The following UBE2E2 variants were observed in gnomAD, a reference collection of about 807,000 sequenced individuals.
UBE2E2 encodes the protein ubiquitin conjugating enzyme E2 E2, also known as ubiquitin-conjugating enzyme E2 E2.
A neutral mutation model predicts 24.7 loss-of-function variants in UBE2E2; 6 were observed. That is an observed-to-expected ratio of 0.24 (90% CI 0.13 to 0.48). The LOEUF is 0.48. Ranked by LOEUF, UBE2E2 falls within the 20% of genes least tolerant of loss-of-function variation. The pLI is 0.99. For missense variants in UBE2E2, 169 were observed against 245.0 expected (o/e 0.69, Z 2.07); for synonymous variants, 104 against 83.6 (o/e 1.24, Z -1.33).
At chr3:23,470,094 G>A (rs2125433211) in intron 3 of UBE2E2, among the ~76,000 whole-genome samples, 1 of 152,276 alleles carries the variant, frequency 6.6e-6, no homozygotes, top group East Asian at 1.9e-4. Flanking sequence ...TCCTTAGAAT[G>A]CCAGGTTTAC....
intron 3 of UBE2E2, among the ~76,000 whole-genome samples, chr3:23,379,192 A>G (rs1696598767): frequency 6.6e-6 from 1 of 152,196 alleles, no homozygotes; most frequent in South Asian, 2.1e-4. Flanking sequence ...GAAATGTTCC[A>G]CAGAGATTCC....
chr3:23,379,007 C>G (rs1474829572), intron 3 of UBE2E2, among the ~76,000 whole-genome samples: 2 of 152,130 alleles, frequency 1.3e-5, no homozygotes, highest in Non-Finnish European at 2.9e-5. Flanking sequence ...CCATATACTT[C>G]TCAGTGACTG....
intron 5 of UBE2E2, among the ~76,000 whole-genome samples, chr3:23,540,271 G>T (rs1367326399): frequency 6.6e-6 from 1 of 152,154 alleles, no homozygotes; most frequent in Admixed American, 6.5e-5. Flanking sequence ...CCTAGTAAAT[G>T]TCAGAACAGG....
intron 3 of UBE2E2, among the ~76,000 whole-genome samples, chr3:23,306,747 G>T (rs1699246783): frequency 6.6e-6 from 1 of 152,170 alleles, no homozygotes; most frequent in Admixed American, 6.6e-5. Context: ...TACCTACGGA[G>T]CAAGAACCAC....
intron 3 of UBE2E2, among the ~76,000 whole-genome samples, chr3:23,270,450 A>T (rs1319780871): frequency 6.6e-6 from 1 of 152,092 alleles, no homozygotes; most frequent in Non-Finnish European, 1.5e-5. Flanking sequence ...AGGAACCTGG[A>T]ACCAAGGCTT....
chr3:23,459,915 A>C (rs1167198495), intron 3 of UBE2E2, among the ~76,000 whole-genome samples: 1 of 152,212 alleles, frequency 6.6e-6, no homozygotes, highest in Non-Finnish European at 1.5e-5. Flanking sequence ...TACAAAATGT[A>C]CTTATGCCAA....
chr3:23,504,834 T>C (rs371423222), intron 4 of UBE2E2, among the ~76,000 whole-genome samples: 9 of 151,556 alleles, frequency 5.9e-5, no homozygotes, highest in East Asian at 5.8e-4. Context: ...TATATTATGT[T>C]GGGGTTTTTT....
chr3:23,240,485 TAATA>T (rs1262079994), intron 3 of UBE2E2, among the ~76,000 whole-genome samples: 2 of 152,224 alleles, frequency 1.3e-5, no homozygotes, highest in Non-Finnish European at 2.9e-5. Flanking sequence ...ATATTATTCT[TAATA>T]AATAGTAACA....
At chr3:23,473,566 T>C (rs1699069523) in intron 3 of UBE2E2, among the ~76,000 whole-genome samples, 1 of 152,040 alleles carries the variant, frequency 6.6e-6, no homozygotes, top group South Asian at 2.1e-4. Context: ...ATTTGTAGTC[T>C]CTTATCTCTC....
At chr3:23,428,388 C>T (rs1439692114) in intron 3 of UBE2E2, among the ~76,000 whole-genome samples, 2 of 151,904 alleles carry the variant, frequency 1.3e-5, no homozygotes, top group South Asian at 2.1e-4. Context: ...TGGGATGCAA[C>T]GAAAACAGTG....
chr3:23,550,152 G>T (rs1441897784), intron 5 of UBE2E2, among the ~76,000 whole-genome samples: 1 of 152,050 alleles, frequency 6.6e-6, no homozygotes, highest in Non-Finnish European at 1.5e-5. Context: ...AAACTAGTAG[G>T]AAGAATGAAT....
chr3:23,558,602 C>G (rs1341635311), intron 5 of UBE2E2, among the ~76,000 whole-genome samples: 1 of 152,082 alleles, frequency 6.6e-6, no homozygotes, highest in Non-Finnish European at 1.5e-5. Flanking sequence ...GAATCTTATT[C>G]TTACTGTAAC....
At chr3:23,354,993 C>T (rs372108942) in intron 3 of UBE2E2, among the ~76,000 whole-genome samples, 17 of 150,720 alleles carry the variant, frequency 1.1e-4, no homozygotes, top group Non-Finnish European at 1.8e-4. Context: ...TGTCCAACAA[C>T]GATAGACTGG....
chr3:23,390,090 C>A (rs1276531772), intron 3 of UBE2E2, among the ~76,000 whole-genome samples: 1 of 152,054 alleles, frequency 6.6e-6, no homozygotes, highest in African/African-American at 2.4e-5. Context: ...GCTGGTTGAT[C>A]TTTCTTCCAG....
chr3:23,476,949 C>G (rs1683642108), intron 3 of UBE2E2, among the ~76,000 whole-genome samples: 1 of 152,002 alleles, frequency 6.6e-6, no homozygotes, highest in African/African-American at 2.4e-5. Context: ...TGTTAAGTTC[C>G]TTATTGTTTC....
chr3:23,273,310 T>C (rs1050088662), intron 3 of UBE2E2, among the ~76,000 whole-genome samples: 11 of 151,880 alleles, frequency 7.2e-5, no homozygotes, highest in Admixed American at 3.9e-4. Flanking sequence ...GAGGCCGAGG[T>C]GGGCGGATCA....
intron 3 of UBE2E2, among the ~76,000 whole-genome samples, chr3:23,301,403 G>A (rs182007696): frequency 5.3e-5 from 8 of 152,152 alleles, no homozygotes; most frequent in African/African-American, 1.7e-4. Context: ...ATTTTCCCAT[G>A]TTTGTGGTTT....
chr3:23,478,897 T>TATA (rs1491107621), intron 3 of UBE2E2, among the ~76,000 whole-genome samples: 11 of 8,882 alleles, frequency 1.2e-3, no homozygotes, highest in South Asian at 0.023. Flanking sequence ...TATATATATA[T>TATA]TTTTTTTTTA....
At chr3:23,485,601 G>T (rs890230713) in intron 3 of UBE2E2, among the ~76,000 whole-genome samples, 1 of 152,176 alleles carries the variant, frequency 6.6e-6, no homozygotes, top group African/African-American at 2.4e-5. Context: ...ATATCATGGA[G>T]GTGAGAGGAT....
Sources: gnomAD v4.1 joint callset for allele counts (sites outside exome capture counted in the v4.1 genomes callset) on GRCh38, gnomAD v4.1.1 for gene constraint, MANE v1.5 for transcripts, NCBI Gene and HGNC (gene_info 2026-07-23, HGNC 2026-07-21) for gene names.